Variants in GARRE1 observed in about 807,000 individuals in gnomAD.
The protein encoded by GARRE1 is granule associated Rac and RHOG effector protein 1.
Under a neutral mutation model 103.2 loss-of-function variants are expected in GARRE1, and 49 were observed. The ratio of observed to expected loss-of-function variants is 0.47; its 90% CI spans 0.38 to 0.60. The LOEUF (loss-of-function observed/expected upper bound fraction) is 0.60. Ranked by LOEUF, GARRE1 falls within the 20% of genes least tolerant of loss-of-function variation. The pLI is 0.00. For missense variants in GARRE1, 1,199 were observed against 1,370.5 expected (o/e 0.87, Z 1.98); for synonymous variants, 505 against 532.8 (o/e 0.95, Z 0.72).
intron 10 of GARRE1, among the ~76,000 whole-genome samples, chr19:34,346,397 C>T (rs1231956048): frequency 1.3e-5 from 2 of 152,044 alleles, no homozygotes; most frequent in East Asian, 3.9e-4. Context: ...TTATTCTTTG[C>T]CACACTTAAG....
intron 9 of GARRE1, 22 bp from the exon 10 acceptor site, chr19:34,341,398 TTA>T: frequency 6.3e-7 from 1 of 1,577,150 alleles, no homozygotes; most frequent in Non-Finnish European, 8.6e-7. Context: ...TTTTTTTTTT[TTA>T]AACAAATTTC....
chr19:34,299,252 C>T (rs1415260007), intron 1 of GARRE1, among the ~76,000 whole-genome samples: 1 of 152,200 alleles, frequency 6.6e-6, no homozygotes, highest in Non-Finnish European at 1.5e-5. Context: ...TTTGATTTCC[C>T]TTGCCCTTTG....
rs760432288 is a variant in GARRE1 at position 34,342,364 on chromosome 19, G to T, written c.2430G>T (p.Pro810=). The change falls in exon 10 of 14, where the codon CCG becomes CCT. Residue 810 remains proline, a synonymous_variant. Coordinates refer to ENST00000299505, the MANE Select transcript of GARRE1 (RefSeq NM_014686.5). The stretch of plus-strand genomic sequence containing the variant: ...TGTCAGAGGTTCTGGGACAGAAGCC[G>T]CAGGGACCTAGAAATAACACCTGGC... ...NVMSEVLGQK[P]QGPRNNTWPN... 5 of 1,614,176 alleles carry T rather than the reference G, an allele frequency of 3.1e-6. No individual in the cohort carries two copies. The highest frequency in any genetic ancestry group is 2.2e-5 in the East Asian group (1 of 44,880).
intron 10 of GARRE1, 30 bp downstream of exon 10, chr19:34,342,485 T>A (rs371940781): frequency 3.5e-5 from 55 of 1,573,910 alleles, no homozygotes; most frequent in Middle Eastern, 1.7e-4. Flanking sequence ...CCTCGCCCAG[T>A]GTCAACAGCA....
At chr19:34,270,392 G>A (rs1218838679) in intron 1 of GARRE1, among the ~76,000 whole-genome samples, 2 of 152,238 alleles carry the variant, frequency 1.3e-5, no homozygotes, top group Non-Finnish European at 2.9e-5. Flanking sequence ...TGTGAAGGAA[G>A]TGAGGGCTTT....
intron 1 of GARRE1, among the ~76,000 whole-genome samples, chr19:34,284,528 A>G (rs1048556578): frequency 1.3e-5 from 2 of 152,210 alleles, no homozygotes; most frequent in African/African-American, 4.8e-5. Context: ...GGCTGAATTC[A>G]GTTTTAATCT....
At chr19:34,318,419 C>T (rs2074069773) in intron 2 of GARRE1, among the ~76,000 whole-genome samples, 1 of 152,240 alleles carries the variant, frequency 6.6e-6, no homozygotes, top group African/African-American at 2.4e-5. Context: ...CTATAGTTCC[C>T]TGACCTTCAC....
At chr19:34,294,926 C>T (rs558436127) in intron 1 of GARRE1, among the ~76,000 whole-genome samples, 12 of 152,292 alleles carry the variant, frequency 7.9e-5, no homozygotes, top group African/African-American at 2.6e-4. Flanking sequence ...ATTTGCCCAC[C>T]TCGGCCTCCC....
At chr19:34,333,965 T>C (rs1036263309) in intron 8 of GARRE1, among the ~76,000 whole-genome samples, 164 bp downstream of exon 8, 1 of 152,228 alleles carries the variant, frequency 6.6e-6, no homozygotes, top group African/African-American at 2.4e-5. Context: ...GCATGTGTCA[T>C]GATTATTGGT....
At chr19:34,327,340 T>C in intron 3 of GARRE1, 81 bp from the exon 4 acceptor site, 1 of 1,316,368 alleles carries the variant, frequency 7.6e-7, no homozygotes, top group Non-Finnish European at 1.1e-6. Context: ...AGGGGGTTTT[T>C]CTTGTTGTTG....
intron 2 of GARRE1, among the ~76,000 whole-genome samples, chr19:34,308,764 C>T (rs2074023353): frequency 6.6e-6 from 1 of 152,116 alleles, no homozygotes; most frequent in Non-Finnish European, 1.5e-5. Context: ...AGGAAATAAG[C>T]AAATTTCCTG....
chr19:34,321,949 T>C lies in GARRE1; in HGVS notation c.705+1833T>C, dbSNP rs529307445. Among the ~76,000 whole-genome samples the C allele has an allele frequency of 2.6e-5, 4 of 152,136 alleles. No homozygotes were observed. The South Asian group carries it at 8.3e-4, about 32-fold the overall frequency. ...TCATCAGGGATAATGTGAAGGAGAA[T>C]TGTGGGATTCTCCTCTCGTGGTGAC... On this transcript the variant is annotated intron_variant, in intron 3 of 13. Transcript: ENST00000299505.
Position 34,347,875 on chromosome 19 carries a change from A to G in GARRE1, c.2522-2A>G. 1 of 1,541,152 alleles carries G rather than the reference A, an allele frequency of 6.5e-7. No homozygotes were observed. Among genetic ancestry groups the G allele is most frequent in the Non-Finnish European group, 8.8e-7 (1 of 1,138,802 alleles). Reference sequence around the variant, plus strand: ...CCGGTTTATTCCTTTGTCCCAATGCAGTGGGCTCAGACCCAGAGTTTGCAC... The same window carrying G: ...CCGGTTTATTCCTTTGTCCCAATGCGGTGGGCTCAGACCCAGAGTTTGCAC... On this transcript the variant is annotated splice_acceptor_variant, in intron 10 of 13. Coordinates refer to ENST00000299505, the MANE Select transcript of GARRE1 (RefSeq NM_014686.5). LOFTEE classifies it high-confidence loss of function.
chr19:34,330,360 G>C lies in GARRE1; in HGVS notation c.1263+13G>C, dbSNP rs2074131851. 3.1e-6 allele frequency: 5 copies of C among 1,613,764 alleles called. No homozygotes were observed. Among genetic ancestry groups the C allele is most frequent in the East Asian group, 2.2e-5 (1 of 44,874 alleles). On this transcript the variant is annotated intron_variant, in intron 7 of 13. Coordinates refer to ENST00000299505, the MANE Select transcript of GARRE1 (RefSeq NM_014686.5). ...CCAGGCTGGACTGGTGAGTGAGCGT[G>C]GGTGGTGGATGATAGGTAGAATACC...
In GARRE1 at chr19:34,327,494, C is replaced by G; in HGVS notation, c.779C>G (p.Ser260Cys). 1 of 1,614,046 alleles carries G rather than the reference C, an allele frequency of 6.2e-7. No homozygotes were observed. The highest frequency in any genetic ancestry group is 8.5e-7 in the Non-Finnish European group (1 of 1,179,968). ...AGIEVQQLFC[S>C]QSAAIPEHQL... ...ATTGAAGTTCAACAACTCTTTTGTT[C>G]TCAAAGTGCAGCAATTCCTGAGCAC... is the stretch of plus-strand genomic sequence containing the variant. Residue 260 changes from serine (S) to cysteine (C), a missense_variant, in exon 4 of 14, where the codon TCT becomes TGT. Physicochemically the swap from Ser to Cys is moderately radical, Grantham distance 112 (BLOSUM62 -1). Transcript: ENST00000299505.
At chr19:34,254,925 C>T (rs533270819) in intron 1 of GARRE1, among the ~76,000 whole-genome samples, 2 of 151,262 alleles carry the variant, frequency 1.3e-5, no homozygotes, top group East Asian at 3.9e-4. Flanking sequence ...GGTCGGCGCC[C>T]GTCAGGCGGG....
intron 3 of GARRE1, among the ~76,000 whole-genome samples, chr19:34,326,045 G>A (rs993189270): frequency 3.3e-5 from 5 of 152,068 alleles, no homozygotes; most frequent in African/African-American, 1.2e-4. Flanking sequence ...CACCTTTTTG[G>A]CCCTGAGGCT....
rs2145240839 is a variant in GARRE1, at chr19:34,300,322, A to G, written c.-152A>G. On this transcript the variant is annotated 5_prime_UTR_variant, in exon 2 of 14. Transcript: ENST00000299505. ...TAAACCTGTTGTCTCTCACCTCTAC[A>G]TTGGATCACATGGTCACCTGCCTCA... The G allele has an allele frequency of 1.3e-6, 1 of 760,004 alleles. No individual in the cohort carries two copies. Among genetic ancestry groups the G allele is most frequent in the Non-Finnish European group, 2.1e-6 (1 of 479,766 alleles). The allele number at this position is 760,004 out of a possible 1,614,324, so 47.1% of individuals were successfully genotyped here. A position where few individuals can be genotyped will look rare whatever the true frequency, so the allele number is the denominator to read the frequency against.
rs978143898 is a variant in GARRE1, at chr19:34,342,102, C to T, written c.2168C>T (p.Ser723Phe). 5 of 1,614,032 alleles carry T rather than the reference C, an allele frequency of 3.1e-6. No homozygotes were observed. The highest frequency in any genetic ancestry group is 1.1e-5 in the South Asian group (1 of 91,080). Residue 723 changes from serine (S) to phenylalanine (F), a missense_variant, in exon 10 of 14, where the codon TCC becomes TTC. Coordinates refer to ENST00000299505, the MANE Select transcript of GARRE1 (RefSeq NM_014686.5). ...PQPGLAPQQQ[S>F]PKQQQPQVQY... ...CCGGGACTGGCACCTCAGCAGCAGT[C>T]CCCAAAGCAGCAACAACCTCAAGTC...
Sources: gnomAD v4.1 joint callset for allele counts (sites outside exome capture counted in the v4.1 genomes callset) on GRCh38, gnomAD v4.1.1 for gene constraint, MANE v1.5 for transcripts, NCBI Gene and HGNC (gene_info 2026-07-23, HGNC 2026-07-21) for gene names.